The following FILIP1 variants were observed in gnomAD, a reference collection of about 807,000 sequenced individuals.
The protein encoded by FILIP1 is filamin A interacting protein 1, also known as filamin-A-interacting protein 1.
Under a neutral mutation model 102.1 loss-of-function variants are expected in FILIP1, and 61 were observed. The observed-to-expected ratio is 0.60, with a 90% CI of 0.49 to 0.74. FILIP1 has a LOEUF of 0.74. Among genes scored for constraint, FILIP1 ranks in the 30% least tolerant of loss-of-function variants. The probability of loss-of-function intolerance (pLI) is 0.00; values close to 1 mark genes in which losing one functional copy is unlikely to be tolerated. For missense variants in FILIP1, 1,314 were observed against 1,441.2 expected, an observed-to-expected ratio of 0.91 and a Z score of 1.43; for synonymous variants, 491 against 526.9, an observed-to-expected ratio of 0.93 and a Z score of 0.93.
intron 3 of FILIP1, among the ~76,000 whole-genome samples, chr6:75,356,655 G>C (rs1775012777): frequency 6.6e-6 from 1 of 152,054 alleles, no homozygotes. Context: ...TTTTAGTAGA[G>C]ACGGGGTTTC....
chr6:75,479,862 G>GT (rs1444984991), intron 1 of FILIP1, among the ~76,000 whole-genome samples: 7 of 80,008 alleles, frequency 8.7e-5, no homozygotes, highest in Non-Finnish European at 1.3e-4. Context: ...GAGTAAAGCT[G>GT]TATCTCAAAA....
At chr6:75,390,495 C>T (rs967142078) in intron 2 of FILIP1, among the ~76,000 whole-genome samples, 1 of 152,008 alleles carries the variant, frequency 6.6e-6, no homozygotes, top group Admixed American at 6.6e-5. Flanking sequence ...CAGGAGGTTT[C>T]CAATCATGGC....
intron 1 of FILIP1, among the ~76,000 whole-genome samples, chr6:75,442,815 T>C (rs1402813785): frequency 6.6e-6 from 1 of 152,166 alleles, no homozygotes; most frequent in Non-Finnish European, 1.5e-5. Context: ...CATAAATCCA[T>C]GTCTACACAC....
At chr6:75,446,076 C>T (rs1405725763) in intron 1 of FILIP1, among the ~76,000 whole-genome samples, 3 of 152,124 alleles carry the variant, frequency 2.0e-5, no homozygotes, top group East Asian at 1.9e-4. Flanking sequence ...GAGATCTTGA[C>T]TTATAATCAC....
At chr6:75,438,214 T>C (rs1291291005) in intron 1 of FILIP1, among the ~76,000 whole-genome samples, 1 of 152,214 alleles carries the variant, frequency 6.6e-6, no homozygotes, top group Non-Finnish European at 1.5e-5. Flanking sequence ...ATAGGTTATA[T>C]ATAAATAGTG....
At chr6:75,373,020 TAAG>T (rs1241631268) in intron 2 of FILIP1, among the ~76,000 whole-genome samples, 2 of 152,108 alleles carry the variant, frequency 1.3e-5, no homozygotes, top group Admixed American at 6.5e-5. Flanking sequence ...TAGTCAAAAA[TAAG>T]AAGAATCCAA....
chr6:75,493,419 G>A lies in FILIP1; in HGVS notation c.-12C>T, dbSNP rs185201219. The A allele has an allele frequency of 8.5e-5, 13 of 152,258 alleles. No individual in the cohort carries two copies. The East Asian group carries it at 1.5e-3, about 18-fold the overall frequency. The allele number at this position is 152,258 out of a possible 1,614,324, so 9.4% of individuals were successfully genotyped here. ...TTTATTTATTTTGGTCTTACCTGAC[G>A]GCAGCTCCTTTAACCAAAGGTATGT... On this transcript the variant is annotated 5_prime_UTR_variant, in exon 1 of 6. Transcript: ENST00000237172.
exon 7 of FILIP1, chr6:75,295,877 TAC>T: frequency 2.9e-6 from 4 of 1,392,404 alleles, no homozygotes; most frequent in Non-Finnish European, 3.7e-6. Context: ...TCAGAGGTCG[TAC>T]ACACACCCAG....
chr6:75,428,220 C>T (rs889145030), intron 1 of FILIP1, among the ~76,000 whole-genome samples: 3 of 152,090 alleles, frequency 2.0e-5, no homozygotes, highest in Non-Finnish European at 4.4e-5. Context: ...GCTGAACCCA[C>T]GGTTCACATA....
intron 2 of FILIP1, chr6:75,367,481 C>T (rs1170275227): frequency 1.3e-5 from 2 of 152,082 alleles, no homozygotes; most frequent in African/African-American, 2.4e-5. Context: ...ACCAAAAATA[C>T]AAAAATTAGC....
intron 2 of FILIP1, among the ~76,000 whole-genome samples, chr6:75,410,283 T>C (rs577913970): frequency 4.6e-5 from 7 of 152,194 alleles, no homozygotes; most frequent in African/African-American, 1.4e-4. Flanking sequence ...GAGTAACTTA[T>C]CTCATAAGGC....
chr6:75,372,084 C>T (rs764579115), intron 2 of FILIP1, among the ~76,000 whole-genome samples: 2 of 152,008 alleles, frequency 1.3e-5, no homozygotes, highest in Middle Eastern at 3.2e-3. Context: ...ATCCAGAGGC[C>T]GGGTGCAGTG....
In FILIP1 at chr6:75,399,724, A is replaced by T. The variant is rs185566527; in HGVS notation, c.276+14973T>A. Among the ~76,000 whole-genome samples, 178 of 152,282 alleles carry T rather than the reference A, an allele frequency of 1.2e-3. 3 individuals are homozygous for T. The highest frequency in any genetic ancestry group is 0.01 in the Admixed American group (153 of 15,278). On this transcript the variant is annotated intron_variant, in intron 2 of 5. Transcript: ENST00000237172. ...CATCTAACCTTTTAGGGTTACTGTGATTATTAAATAAAATAATGAAAATCC... is the reference window on the plus strand; with the variant it reads ...CATCTAACCTTTTAGGGTTACTGTGTTTATTAAATAAAATAATGAAAATCC...
chr6:75,361,139 T>C (rs1582395357), intron 3 of FILIP1, among the ~76,000 whole-genome samples: 1 of 152,232 alleles, frequency 6.6e-6, no homozygotes. Flanking sequence ...AAAGGAACCA[T>C]GAAATATGCC....
In FILIP1 at chr6:75,319,839, A is replaced by AG; in HGVS notation, c.630-4638_630-4637insC. 5 of 425,788 alleles carry AG rather than the reference A, an allele frequency of 1.2e-5. No homozygotes were observed. In the South Asian group the frequency reaches 1.3e-4, roughly 11 times the overall value. The allele number at this position is 425,788 out of a possible 1,614,324, so 26.4% of individuals were successfully genotyped here. On this transcript the variant is annotated intron_variant, in intron 4 of 5. Transcript: ENST00000237172. ...AGCAAGACTCCGTCCCCCAAAAAAA[A>AG]AAAGAAAAGAAAAGAAAACTCTGAG...
downstream of FILIP1, among the ~76,000 whole-genome samples, chr6:75,307,309 T>C (rs1327033255): frequency 1.3e-5 from 2 of 152,324 alleles, no homozygotes; most frequent in East Asian, 1.9e-4. Context: ...AATCATGAGA[T>C]AAAAATCTAA....
chr6:75,356,903 G>A (rs1468338259), intron 3 of FILIP1, among the ~76,000 whole-genome samples: 3 of 152,116 alleles, frequency 2.0e-5, no homozygotes, highest in Admixed American at 6.6e-5. Context: ...TTTAGAGAAC[G>A]TGTCAAGCAT....
At chr6:75,347,158 G>A (rs527399214) in intron 4 of FILIP1, among the ~76,000 whole-genome samples, 14 of 152,208 alleles carry the variant, frequency 9.2e-5, no homozygotes, top group South Asian at 6.2e-4. Context: ...TTAGGAGTGC[G>A]AAAAGTTATT....
At chr6:75,458,525 T>C (rs929882366) in intron 1 of FILIP1, among the ~76,000 whole-genome samples, 2 of 152,136 alleles carry the variant, frequency 1.3e-5, no homozygotes, top group African/African-American at 4.8e-5. Context: ...CTCAGAAATG[T>C]TGCCTACTAA....
Sources: gnomAD v4.1 joint callset for allele counts (sites outside exome capture counted in the v4.1 genomes callset) on GRCh38, gnomAD v4.1.1 for gene constraint, MANE v1.5 for transcripts, NCBI Gene and HGNC (gene_info 2026-07-23, HGNC 2026-07-21) for gene names.